Variants in SLC23A2 observed in about 807,000 individuals in gnomAD.
SLC23A2 encodes the protein solute carrier family 23 member 2.
A neutral mutation model predicts 73.3 loss-of-function variants in SLC23A2; 36 were observed. That is an observed-to-expected ratio of 0.49 (90% CI 0.38 to 0.65). The LOEUF (loss-of-function observed/expected upper bound fraction) is 0.65. Ranked by LOEUF, SLC23A2 falls within the 30% of genes least tolerant of loss-of-function variation. SLC23A2 has a pLI of 0.00. For missense variants in SLC23A2, 507 were observed against 841.6 expected, an observed-to-expected ratio of 0.60 and a Z score of 4.92; for synonymous variants, 343 against 327.3, an observed-to-expected ratio of 1.05 and a Z score of -0.52.
chr20:4,880,028 T>C (rs1000931537), intron 9 of SLC23A2, among the ~76,000 whole-genome samples: 2 of 152,226 alleles, frequency 1.3e-5, no homozygotes, highest in South Asian at 2.1e-4. Flanking sequence ...CTGAAGACAT[T>C]TGAACTCAGG....
At chr20:4,891,014 T>C (rs1931311070) in intron 6 of SLC23A2, among the ~76,000 whole-genome samples, 1 of 152,104 alleles carries the variant, frequency 6.6e-6, no homozygotes, top group Non-Finnish European at 1.5e-5. Flanking sequence ...ACCAGAGTCA[T>C]GCCAAATATT....
At chr20:4,888,093 A>G (rs1160700525) in intron 6 of SLC23A2, among the ~76,000 whole-genome samples, 2 of 152,206 alleles carry the variant, frequency 1.3e-5, no homozygotes, top group African/African-American at 4.8e-5. Context: ...GGGTCTCCCT[A>G]GGCCGAGAAG....
chr20:4,905,642 C>G (rs1390887011), intron 4 of SLC23A2, among the ~76,000 whole-genome samples: 1 of 152,186 alleles, frequency 6.6e-6, no homozygotes, highest in African/African-American at 2.4e-5. Context: ...TTTTTAATAA[C>G]CTTTGCTATC....
At position 4,899,636 on chromosome 20, in the gene SLC23A2, T is replaced by C; in HGVS notation, c.401A>G (p.Gln134Arg). 6.2e-7 allele frequency: 1 copy of C among 1,614,050 alleles called. No homozygotes were observed. Residue 134 changes from glutamine (Q) to arginine (R), a missense_variant, in exon 6 of 17, where the codon CAG becomes CGG. By Grantham distance (43) the Gln-to-Arg change is conservative (BLOSUM62 1). This residue lies in a region of SLC23A2 where 217 missense variants were observed against 398.0 expected (regional missense o/e 0.55). Coordinates refer to ENST00000338244, the MANE Select transcript of SLC23A2 (RefSeq NM_005116.6). The surrounding 1 kb of genome is among the most constrained non-coding windows in gnomAD (Gnocchi z 4.9). ...CCCAATGAGCTGGCTGGTGGCCCAC[T>C]GGTCGTACCCCACACACATGGCATC... ...LADAMCVGYD[Q>R]WATSQLIGTI...
intron 3 of SLC23A2, among the ~76,000 whole-genome samples, chr20:4,930,094 C>T (rs1932770836): frequency 6.6e-6 from 1 of 152,238 alleles, no homozygotes; most frequent in Admixed American, 6.5e-5. Flanking sequence ...TAAAATACTA[C>T]AAGTTTAACC....
chr20:4,981,035 C>T (rs1171613776), intron 1 of SLC23A2, among the ~76,000 whole-genome samples: 2 of 152,186 alleles, frequency 1.3e-5, no homozygotes, highest in African/African-American at 4.8e-5. Context: ...ATTTAGTGGT[C>T]TCTATATGAC....
At chr20:4,912,667 CAAAAAAAAAAA>C (rs36084071) in intron 4 of SLC23A2, among the ~76,000 whole-genome samples, 1 of 73,994 alleles carries the variant, frequency 1.4e-5, no homozygotes, top group Non-Finnish European at 3.2e-5. Flanking sequence ...TTAAAACAAT[CAAAAAAAAAAA>C]AAAAAAAAAA....
intron 3 of SLC23A2, among the ~76,000 whole-genome samples, chr20:4,918,960 T>G (rs1483225783): frequency 6.6e-6 from 1 of 152,164 alleles, no homozygotes; most frequent in Non-Finnish European, 1.5e-5. Context: ...TGTATCCAAA[T>G]CTACTCCACA....
rs189840710 is a variant in SLC23A2, at chr20:4,857,242, G to C, written c.1721-38C>G. 1 of 1,132,648 alleles carries C rather than the reference G, an allele frequency of 8.8e-7. No individual in the cohort carries two copies. Among genetic ancestry groups the C allele is most frequent in the Non-Finnish European group, 1.3e-6 (1 of 791,896 alleles). The allele number at this position is 1,132,648 out of a possible 1,614,324, so 70.2% of individuals were successfully genotyped here. A position where few individuals can be genotyped will look rare whatever the true frequency, so the allele number is the denominator to read the frequency against. On this transcript the variant is annotated intron_variant, in intron 16 of 16. Coordinates refer to ENST00000338244, the MANE Select transcript of SLC23A2 (RefSeq NM_005116.6). This position sits in a 1 kb window ranked among gnomAD's most constrained non-coding sequence, Gnocchi z 4.0. ...CCAAGATAGAACAAAGGAATGCTTCGTTTAGCAGCTCTACTGAAAATGAAA... is the reference window on the plus strand; with the variant it reads ...CCAAGATAGAACAAAGGAATGCTTCCTTTAGCAGCTCTACTGAAAATGAAA...
At chr20:4,990,499 G>A (rs1386919369) in intron 1 of SLC23A2, among the ~76,000 whole-genome samples, 2 of 151,684 alleles carry the variant, frequency 1.3e-5, no homozygotes, top group Non-Finnish European at 2.9e-5. Flanking sequence ...AGCCTCCTGA[G>A]TGGCAGGGAC....
At position 4,862,769 on chromosome 20, in the gene SLC23A2, G is replaced by T; in HGVS notation, c.1486+9C>A. On this transcript the variant is annotated intron_variant, in intron 14 of 16. Coordinates refer to ENST00000338244, the MANE Select transcript of SLC23A2 (RefSeq NM_005116.6). This position sits in a 1 kb window ranked among gnomAD's most constrained non-coding sequence, Gnocchi z 5.1. ...AAGTAAAGGAAAAAGCCAGAGAGGG[G>T]AGTCTTACCAAAGAGCGTGCAGAAC... 6.2e-7 allele frequency: 1 copy of T among 1,606,056 alleles called. No homozygotes were observed. The highest frequency in any genetic ancestry group is 1.1e-5 in the South Asian group (1 of 90,738).
At position 4,961,369 on chromosome 20, in the gene SLC23A2, A is replaced by G. The variant is rs576040800; in HGVS notation, c.-155+9424T>C. Among the ~76,000 whole-genome samples, 56 of 152,046 alleles carry G rather than the reference A, an allele frequency of 3.7e-4. 2 individuals are homozygous for G. The highest frequency in any genetic ancestry group is 3.5e-3 in the South Asian group (17 of 4,816). On this transcript the variant is annotated intron_variant, in intron 2 of 16. Transcript: ENST00000338244. ...AGTGCTGGGATTACAGGCGTGAGCC[A>G]CCACGCCTGGCCTATCTATTTTTTT...
At chr20:4,964,832 CA>C (rs10639211) in intron 2 of SLC23A2, among the ~76,000 whole-genome samples, 1,546 of 88,474 alleles carry the variant, frequency 0.017, 24 homozygotes, top group African/African-American at 0.062. Context: ...GACTCTGTCT[CA>C]AAAAAAAAAA....
chr20:4,949,281 C>G (rs2087162683), intron 2 of SLC23A2, among the ~76,000 whole-genome samples: 1 of 145,082 alleles, frequency 6.9e-6, no homozygotes. Context: ...GAGCGAGACT[C>G]CATCTCAAAA....
chr20:4,888,662 TATCTCTCACC>T (rs1931197427), intron 6 of SLC23A2, among the ~76,000 whole-genome samples: 1 of 152,208 alleles, frequency 6.6e-6, no homozygotes, highest in African/African-American at 2.4e-5. Flanking sequence ...CCCAGCCTGG[TATCTCTCACC>T]AGCTCCTTCA....
At chr20:4,884,698 T>A in intron 8 of SLC23A2, 55 bp downstream of exon 8, 5 of 1,237,148 alleles carry the variant, frequency 4.0e-6, no homozygotes, top group Non-Finnish European at 6.0e-6. Context: ...TCAACCAACA[T>A]TGAAGCTGAG....
intron 1 of SLC23A2, among the ~76,000 whole-genome samples, chr20:4,972,186 A>C (rs2087571470): frequency 6.6e-6 from 1 of 152,150 alleles, no homozygotes; most frequent in Non-Finnish European, 1.5e-5. Context: ...GGCAACCAAC[A>C]GTTTAGCCAG....
At chr20:4,901,572 C>T (rs373098938) in intron 5 of SLC23A2, among the ~76,000 whole-genome samples, 3 of 152,168 alleles carry the variant, frequency 2.0e-5, no homozygotes, top group Non-Finnish European at 4.4e-5. Context: ...GTATCAAAGA[C>T]GCCGGAGGCC....
At chr20:4,945,780 A>C (rs1249392446) in intron 2 of SLC23A2, among the ~76,000 whole-genome samples, 1 of 152,188 alleles carries the variant, frequency 6.6e-6, no homozygotes, top group Non-Finnish European at 1.5e-5. Flanking sequence ...AGAGTCTGCA[A>C]GTCACTGATG....
Sources: gnomAD v4.1 joint callset for allele counts (sites outside exome capture counted in the v4.1 genomes callset) on GRCh38, gnomAD v4.1.1 for gene constraint, gnomAD v4.1.1 regional missense constraint, Gnocchi (gnomAD v3.1) non-coding constraint, MANE v1.5 for transcripts, NCBI Gene and HGNC (gene_info 2026-07-23, HGNC 2026-07-21) for gene names.